Variants in RELL1 observed in about 807,000 individuals in gnomAD.
The protein encoded by RELL1 is RELT-like protein 1.
Under a neutral mutation model 23.0 loss-of-function variants are expected in RELL1, and 10 were observed. That is an observed-to-expected ratio of 0.43 (90% CI 0.27 to 0.74). RELL1 has a LOEUF of 0.74. Among genes scored for constraint, RELL1 ranks in the 30% least tolerant of loss-of-function variants. RELL1 has a pLI of 0.19. For synonymous variants in RELL1, 146 were observed against 146.8 expected (o/e 0.99, Z 0.04); for missense variants, 315 against 364.4 (o/e 0.86, Z 1.10).
intron 1 of RELL1, among the ~76,000 whole-genome samples, chr4:37,669,880 A>T (rs868683146): frequency 8.6e-5 from 13 of 151,562 alleles, no homozygotes; most frequent in Middle Eastern, 6.8e-3. Flanking sequence ...AATCTCAAGT[A>T]CCCAGGGACA....
chr4:37,607,692 G>T (rs1468661796), downstream of RELL1, among the ~76,000 whole-genome samples: 1 of 150,656 alleles, frequency 6.6e-6, no homozygotes, highest in Non-Finnish European at 1.5e-5. Context: ...CAATTCCCCT[G>T]CCTCAGCCTC....
intron 6 of RELL1, among the ~76,000 whole-genome samples, chr4:37,600,623 T>C (rs886775379): frequency 1.4e-4 from 21 of 152,210 alleles, no homozygotes; most frequent in Admixed American, 2.6e-4. Context: ...GCATTAAAAT[T>C]GACCTTTCTT....
rs1355655295 is a variant in RELL1, at chr4:37,631,462, C to G, written c.742G>C (p.Val248Leu). ...NQKERRSLMS[V>L]SGAETVNGEV... is the part of the protein sequence containing the mutation. ...CCATTGACGGTTTCAGCCCCACTAA[C>G]AGACATCAGGCTTCTCCGTTCCTTC... The change falls in exon 6 of 7, where the codon GTT becomes CTT. Residue 248 changes from valine (V) to leucine (L), a missense_variant. Physicochemically the swap from Val to Leu is conservative, Grantham distance 32. Coordinates refer to ENST00000454158, the MANE Select transcript of RELL1 (RefSeq NM_001085400.2). 3 of 1,614,188 alleles carry G rather than the reference C, an allele frequency of 1.9e-6. No individual in the cohort carries two copies. The South Asian group carries it at 3.3e-5, about 18-fold the overall frequency.
rs1315305541 is a variant in RELL1, at chr4:37,604,910, C to G, written c.*4-13693G>C. Among the ~76,000 whole-genome samples, 97 of 58,782 alleles carry G rather than the reference C, an allele frequency of 1.7e-3. 1 individual carries two copies. Among genetic ancestry groups the G allele is most frequent in the South Asian group, 4.4e-3 (5 of 1,132 alleles). The allele number at this position is 58,782 out of a possible 152,430, so 38.6% of individuals were successfully genotyped here. A position where few individuals can be genotyped will look rare whatever the true frequency, so the allele number is the denominator to read the frequency against. ...ACAGACACACACACAGACACACACACACACACACAGACACACACACACAGA... is the reference window on the plus strand; with the variant it reads ...ACAGACACACACACAGACACACACAGACACACACAGACACACACACACAGA... On this transcript the variant is annotated intron_variant, in intron 6 of 6. Transcript: ENST00000314117.
chr4:37,685,529 C>T (rs1466682106), intron 1 of RELL1, among the ~76,000 whole-genome samples: 2 of 152,170 alleles, frequency 1.3e-5, no homozygotes, highest in Non-Finnish European at 2.9e-5. Flanking sequence ...CTGTTGGTGG[C>T]TTCCTGCCCT....
At chr4:37,597,504 C>T (rs117984239) in intron 6 of RELL1, among the ~76,000 whole-genome samples, 2 of 152,284 alleles carry the variant, frequency 1.3e-5, no homozygotes, top group East Asian at 3.9e-4. Flanking sequence ...CCAAAATATT[C>T]CTAAAGCTAT....
In RELL1 at chr4:37,612,316, A is replaced by AAAG. The variant is rs1489230117; in HGVS notation, c.*1027_*1029dup. 8.6e-6 allele frequency among the ~76,000 whole-genome samples: 1 copy of AAAG among 115,684 alleles called. No homozygotes were observed. The highest frequency in any genetic ancestry group is 1.8e-5 in the Non-Finnish European group (1 of 55,988). 75.9% of individuals were successfully genotyped at this position (115,684 alleles called of 152,430 possible). On this transcript the variant is annotated 3_prime_UTR_variant, in exon 7 of 7. Transcript: ENST00000454158. Reference sequence around the variant, plus strand: ...TGGATTAACCAAGAATCGCTCAGCTAAAGGTTAAAAAAAAAAAAAAAACAA... The same window carrying AAAG: ...TGGATTAACCAAGAATCGCTCAGCTAAAGAAGGTTAAAAAAAAAAAAAAAACAA...
At chr4:37,631,635 T>G in intron 5 of RELL1, 112 bp from the exon 6 acceptor site, 1 of 1,197,344 alleles carries the variant, frequency 8.4e-7, no homozygotes, top group Non-Finnish European at 1.2e-6. Flanking sequence ...AGCCAAAAGT[T>G]AGGACACAAA....
In RELL1 at chr4:37,666,906, C is replaced by T. The variant is rs533825097; in HGVS notation, c.89-17406G>A. Among the ~76,000 whole-genome samples the T allele has an allele frequency of 3.9e-5, 6 of 152,236 alleles. No homozygotes were observed. The South Asian group carries it at 1.0e-3, about 26-fold the overall frequency. ...GGGCAATGTTCCTGCAAGACAGGCA[C>T]GTGGGCTGGCTTCTGAGAACATAGG... On this transcript the variant is annotated intron_variant, in intron 1 of 6. Coordinates refer to ENST00000454158, the MANE Select transcript of RELL1 (RefSeq NM_001085400.2).
intron 1 of RELL1, among the ~76,000 whole-genome samples, chr4:37,651,328 T>C (rs1311049011): frequency 6.6e-6 from 1 of 151,898 alleles, no homozygotes; most frequent in Non-Finnish European, 1.5e-5. Flanking sequence ...AAATACAAAA[T>C]GAAGAGGGGA....
chr4:37,660,760 G>T (rs369796100), intron 1 of RELL1, among the ~76,000 whole-genome samples: 5 of 152,140 alleles, frequency 3.3e-5, no homozygotes, highest in Admixed American at 6.5e-5. Flanking sequence ...GGCCGGGCGC[G>T]GTGGCTCACG....
intron 1 of RELL1, among the ~76,000 whole-genome samples, chr4:37,678,171 G>C (rs917965016): frequency 2.6e-5 from 4 of 152,116 alleles, no homozygotes; most frequent in East Asian, 1.9e-4. Context: ...AGAGAGTTGG[G>C]GGGGAGGTAC....
chr4:37,681,246 T>C (rs1163700672), intron 1 of RELL1, among the ~76,000 whole-genome samples: 1 of 152,224 alleles, frequency 6.6e-6, no homozygotes, highest in East Asian at 1.9e-4. Context: ...CTGTTTAATA[T>C]ATGTGGTCCA....
chr4:37,648,089 A>G (rs1490813474), intron 2 of RELL1, among the ~76,000 whole-genome samples: 1 of 152,256 alleles, frequency 6.6e-6, no homozygotes, highest in Admixed American at 6.5e-5. Context: ...ATCCTAGTTC[A>G]CAGAGAATGC....
intron 6 of RELL1, among the ~76,000 whole-genome samples, chr4:37,604,656 A>C (rs992045665): frequency 1.3e-5 from 2 of 152,150 alleles, no homozygotes; most frequent in Non-Finnish European, 2.9e-5. Context: ...TGTGTTACAA[A>C]TGAGTCACAT....
intron 6 of RELL1, among the ~76,000 whole-genome samples, chr4:37,620,361 C>G (rs1024071218): frequency 2.6e-5 from 4 of 152,184 alleles, no homozygotes; most frequent in Admixed American, 2.0e-4. Flanking sequence ...TATTTAGCAA[C>G]AATGGGTTTC....
intron 1 of RELL1, among the ~76,000 whole-genome samples, chr4:37,681,518 G>GGT (rs1722221044): frequency 1.8e-5 from 1 of 56,870 alleles, no homozygotes; most frequent in African/African-American, 7.1e-5. Flanking sequence ...GTCTCCTTCT[G>GGT]TTTTTTTTTT....
chr4:37,675,262 C>A (rs900509144), intron 1 of RELL1, among the ~76,000 whole-genome samples: 1 of 152,236 alleles, frequency 6.6e-6, no homozygotes, highest in African/African-American at 2.4e-5. Flanking sequence ...ATAAAACTTT[C>A]CTTCTACTAG....
intron 5 of RELL1, among the ~76,000 whole-genome samples, chr4:37,633,250 AAT>A (rs1221123116): frequency 6.6e-6 from 1 of 151,944 alleles, no homozygotes; most frequent in Non-Finnish European, 1.5e-5. Context: ...CTCTCCTAAA[AAT>A]ACAAAAATTA....
Sources: allele counts gnomAD v4.1 joint callset (sites outside exome capture counted in the v4.1 genomes callset), GRCh38; gene constraint gnomAD v4.1.1; transcripts MANE v1.5; gene names NCBI Gene and HGNC (gene_info 2026-07-23, HGNC 2026-07-21).